Variants in DMTF1 observed in about 807,000 individuals in gnomAD.
DMTF1 encodes cyclin-D-binding Myb-like transcription factor 1.
A neutral mutation model predicts 91.1 loss-of-function variants in DMTF1; 39 were observed. The ratio of observed to expected loss-of-function variants is 0.43; its 90% CI spans 0.33 to 0.56. The LOEUF is 0.56. DMTF1 is among the 20% of genes least tolerant of loss of function. DMTF1 has a pLI of 0.05. For synonymous variants in DMTF1, 338 were observed against 309.5 expected, an observed-to-expected ratio of 1.09 and a Z score of -0.97; for missense variants, 750 against 914.5, an observed-to-expected ratio of 0.82 and a Z score of 2.32.
Position 87,185,819 on chromosome 7 carries a change from G to A in DMTF1, c.1050-10G>A. 1.2e-6 allele frequency: 2 copies of A among 1,613,540 alleles called. No individual in the cohort carries two copies. The highest frequency in any genetic ancestry group is 1.3e-5 in the African/African-American group (1 of 74,982). ...TTTAATGTCTAACGATGCTTATTTT[G>A]TAACTGTAGGATAGCAGAACTTGAT... On this transcript the variant is annotated splice_polypyrimidine_tract_variant and intron_variant, in intron 11 of 17. Transcript: ENST00000331242.
In DMTF1 at chr7:87,154,813, C is replaced by T. The variant is rs181030381; in HGVS notation, c.-132+2258C>T. ...GTTATCTCATTACACCCCAGGGGTG[C>T]TTTAAAGGTGGGGAGATAGTGTATG... On this transcript the variant is annotated intron_variant, in intron 1 of 17. Transcript: ENST00000331242. 6.5e-3 allele frequency among the ~76,000 whole-genome samples: 992 copies of T among 152,094 alleles called. 8 individuals carry two copies. The highest frequency in any genetic ancestry group is 0.023 in the African/African-American group (949 of 41,496).
chr7:87,186,998 G>C (rs1360507873), intron 12 of DMTF1: 2 of 152,146 alleles, frequency 1.3e-5, no homozygotes, highest in African/African-American at 2.4e-5. Context: ...TAGAACAAAG[G>C]CTCTGTAATT....
At chr7:87,154,711 A>G (rs1474412877) in intron 1 of DMTF1, among the ~76,000 whole-genome samples, 1 of 152,222 alleles carries the variant, frequency 6.6e-6, no homozygotes. Context: ...GGAAATGTTT[A>G]CTGGTGGAGA....
At chr7:87,182,131 C>G (rs760228244) in intron 9 of DMTF1, 97 bp from the exon 10 acceptor site, 1 of 1,573,314 alleles carries the variant, frequency 6.4e-7, no homozygotes. Context: ...AACTTCCAAA[C>G]CAGTCAAATG....
chr7:87,184,510 C>T lies in DMTF1; in HGVS notation c.934C>T (p.Arg312Ter), dbSNP rs758233108. Reference sequence around the variant, plus strand: ...TGTGTCTTGGGCAGCTGTGGCTGAACGAGTCGGTACCCGCTCAGAAAAGCA... The same window carrying T: ...TGTGTCTTGGGCAGCTGTGGCTGAATGAGTCGGTACCCGCTCAGAAAAGCA... ...QGVSWAAVAE[R>*]VGTRSEKQCR... Residue 312 changes from arginine to a stop codon, truncating the protein, a stop_gained, in exon 11 of 18, where the codon CGA becomes TGA. Coordinates refer to ENST00000331242, the MANE Select transcript of DMTF1 (RefSeq NM_001142327.2). LOFTEE classifies it high-confidence loss of function. The T allele has an allele frequency of 1.9e-6, 3 of 1,613,958 alleles. No individual in the cohort carries two copies. The highest frequency in any genetic ancestry group is 2.5e-6 in the Non-Finnish European group (3 of 1,179,952).
At chr7:87,153,779 A>G (rs571483488) in intron 1 of DMTF1, among the ~76,000 whole-genome samples, 1 of 152,334 alleles carries the variant, frequency 6.6e-6, no homozygotes, top group South Asian at 2.1e-4. Context: ...GGAAAATTTT[A>G]AATTATACCT....
chr7:87,186,157 T>C (rs1034680057), intron 12 of DMTF1, 177 bp downstream of exon 12: 1 of 608,498 alleles, frequency 1.6e-6, no homozygotes, highest in Non-Finnish European at 2.8e-6. Context: ...TTAATACTGT[T>C]TGTAATTCCT....
chr7:87,166,460 G>GT (rs1793856790), intron 3 of DMTF1, 23 bp from the exon 4 acceptor site: 2 of 1,585,590 alleles, frequency 1.3e-6, no homozygotes, highest in Non-Finnish European at 8.6e-7. Flanking sequence ...TGAAATTTTT[G>GT]TTTGTTTGTT....
rs183617843 is a variant in DMTF1, at chr7:87,153,607, A to C, written c.-132+1052A>C. Among the ~76,000 whole-genome samples the C allele has an allele frequency of 3.5e-3, 531 of 152,228 alleles. 6 individuals are homozygous for C. Among genetic ancestry groups the C allele is most frequent in the African/African-American group, 0.01 (431 of 41,532 alleles). On this transcript the variant is annotated intron_variant, in intron 1 of 17. Coordinates refer to ENST00000331242, the MANE Select transcript of DMTF1 (RefSeq NM_001142327.2). ...GAATTTGTGTAGTTGCTTTTTTCGC[A>C]ACTCATTCATCTTTGTGTACCTCTT...
intron 4 of DMTF1, among the ~76,000 whole-genome samples, chr7:87,169,452 T>C (rs562225746): frequency 6.6e-6 from 1 of 152,320 alleles, no homozygotes; most frequent in East Asian, 1.9e-4. Flanking sequence ...AACAAGATCC[T>C]GTCAAAAAAA....
intron 16 of DMTF1, 173 bp from the exon 17 acceptor site, chr7:87,194,511 A>AGTAT: frequency 2.0e-6 from 1 of 505,756 alleles, no homozygotes; most frequent in Non-Finnish European, 3.5e-6. Flanking sequence ...TTTTGTTAAA[A>AGTAT]GTATGTTAGA....
At position 87,195,135 on chromosome 7, in the gene DMTF1, C is replaced by CA; in HGVS notation, c.2279dup (p.His760GlnfsTer4). The CA allele has an allele frequency of 4.4e-6, 7 of 1,603,714 alleles. No homozygotes were observed. The highest frequency in any genetic ancestry group is 6.0e-6 in the Non-Finnish European group (7 of 1,171,522). On this transcript the variant is annotated frameshift_variant, in exon 18 of 18. Coordinates refer to ENST00000331242, the MANE Select transcript of DMTF1 (RefSeq NM_001142327.2). LOFTEE classifies it high-confidence loss of function. Reference sequence around the variant, plus strand: ...GGATGTCGAAGATTTGGTAAACTGTCATTAGAATAATTCTTAGAAATAGGC... The same window carrying CA: ...GGATGTCGAAGATTTGGTAAACTGTCAATTAGAATAATTCTTAGAAATAGGC...
chr7:87,166,107 C>T (rs11979894), intron 3 of DMTF1, among the ~76,000 whole-genome samples: 15 of 152,166 alleles, frequency 9.9e-5, no homozygotes, highest in African/African-American at 3.6e-4. Context: ...ATAGTCTTAC[C>T]TCCTGCCGCA....
chr7:87,184,540 C>T lies in DMTF1; in HGVS notation c.964C>T (p.Arg322Cys). ...RVGTRSEKQC[R>C]SKWLNYLNWK... Reference sequence around the variant, plus strand: ...CGGTACCCGCTCAGAAAAGCAATGTCGTTCTAAATGGCTCAACTACCTGAA... The same window carrying T: ...CGGTACCCGCTCAGAAAAGCAATGTTGTTCTAAATGGCTCAACTACCTGAA... Residue 322 changes from arginine (R) to cysteine (C), a missense_variant, in exon 11 of 18, where the codon CGT (arginine) becomes TGT (cysteine). Transcript: ENST00000331242. 3 of 1,613,982 alleles carry T rather than the reference C, an allele frequency of 1.9e-6. No homozygotes were observed. The highest frequency in any genetic ancestry group is 2.5e-6 in the Non-Finnish European group (3 of 1,179,958).
At chr7:87,161,242 A>G (rs1272671338) in intron 1 of DMTF1, among the ~76,000 whole-genome samples, 1 of 152,132 alleles carries the variant, frequency 6.6e-6, no homozygotes, top group Non-Finnish European at 1.5e-5. Flanking sequence ...TCACGCCTGT[A>G]ATCCCAACAC....
At position 87,184,521 on chromosome 7, in the gene DMTF1, C is replaced by G. The variant is rs906732127; in HGVS notation, c.945C>G (p.Thr315=). Residue 315 remains threonine, a synonymous_variant, in exon 11 of 18, where the codon ACC becomes ACG. Coordinates refer to ENST00000331242, the MANE Select transcript of DMTF1 (RefSeq NM_001142327.2). ...SWAAVAERVG[T]RSEKQCRSKW... ...CAGCTGTGGCTGAACGAGTCGGTAC[C>G]CGCTCAGAAAAGCAATGTCGTTCTA... The G allele has an allele frequency of 6.2e-7, 1 of 1,613,882 alleles. No homozygotes were observed. The highest frequency in any genetic ancestry group is 1.7e-5 in the Admixed American group (1 of 59,974).
At chr7:87,172,337 A>G (rs979935101) in intron 5 of DMTF1, among the ~76,000 whole-genome samples, 1 of 152,236 alleles carries the variant, frequency 6.6e-6, no homozygotes, top group African/African-American at 2.4e-5. Flanking sequence ...CACTTGTTCC[A>G]GTGATTTCCA....
At chr7:87,174,545 C>T in intron 6 of DMTF1, 48 bp from the exon 7 acceptor site, 1 of 1,262,080 alleles carries the variant, frequency 7.9e-7, no homozygotes, top group Non-Finnish European at 1.1e-6. Context: ...TGTTTTATTT[C>T]TTTCAAGGAG....
At chr7:87,165,940 T>C (rs780532369) in intron 3 of DMTF1, among the ~76,000 whole-genome samples, 1 of 152,234 alleles carries the variant, frequency 6.6e-6, no homozygotes, top group Non-Finnish European at 1.5e-5. Flanking sequence ...GTAGCTCTAA[T>C]ACCCTTTTAA....
Sources: allele counts gnomAD v4.1 joint callset (sites outside exome capture counted in the v4.1 genomes callset), GRCh38; gene constraint gnomAD v4.1.1; transcripts MANE v1.5; gene names NCBI Gene and HGNC (gene_info 2026-07-23, HGNC 2026-07-21).